Variants in CAST observed in about 807,000 individuals in gnomAD.
CAST encodes the protein calpastatin.
In CAST, 76 loss-of-function variants were observed where a neutral mutation model predicts 119.6. The ratio of observed to expected loss-of-function variants is 0.64; its 90% CI spans 0.53 to 0.77. The LOEUF is 0.77. Ranked by LOEUF, CAST falls within the 30% of genes least tolerant of loss-of-function variation. The pLI, the probability that CAST is intolerant of heterozygous loss-of-function variation, is 0.00. For synonymous variants in CAST, 319 were observed against 331.6 expected, an observed-to-expected ratio of 0.96 and a Z score of 0.41; for missense variants, 953 against 946.5, an observed-to-expected ratio of 1.01 and a Z score of -0.09.
At chr5:96,599,619 T>A (rs1276527751) in intron 1 of CAST, among the ~76,000 whole-genome samples, 1 of 152,082 alleles carries the variant, frequency 6.6e-6, no homozygotes, top group African/African-American at 2.4e-5. Flanking sequence ...GCCAGGTCCC[T>A]CACACTCTGG....
chr5:96,722,175 G>A (rs910901710), intron 3 of CAST, among the ~76,000 whole-genome samples: 2 of 152,178 alleles, frequency 1.3e-5, no homozygotes, highest in African/African-American at 4.8e-5. Flanking sequence ...AATGGACCTG[G>A]AAGACAAAGC....
At chr5:96,088,104 G>A in the CAST span, among the ~76,000 whole-genome samples, 1 of 152,210 alleles carries the variant, frequency 6.6e-6, no homozygotes, top group Non-Finnish European at 1.5e-5. Context: ...AAAATACTCA[G>A]CTCTATACAG....
At chr5:96,280,924 A>C in the CAST span, among the ~76,000 whole-genome samples, 3 of 152,234 alleles carry the variant, frequency 2.0e-5, no homozygotes, top group South Asian at 4.2e-4. Flanking sequence ...ATCTTCCTGA[A>C]TTATTAATTT....
chr5:95,976,095 G>T, the CAST span, among the ~76,000 whole-genome samples: 2 of 151,694 alleles, frequency 1.3e-5, no homozygotes, highest in Non-Finnish European at 2.9e-5. Flanking sequence ...CTCTAATTCA[G>T]GCTGGCACTT....
At chr5:95,987,576 C>T in the CAST span, among the ~76,000 whole-genome samples, 1 of 152,158 alleles carries the variant, frequency 6.6e-6, no homozygotes, top group Admixed American at 6.6e-5. Context: ...TGTGTAAAAG[C>T]ATCAGGCCTT....
the CAST span, among the ~76,000 whole-genome samples, chr5:96,361,035 G>A: frequency 6.6e-6 from 1 of 152,226 alleles, no homozygotes; most frequent in Admixed American, 6.5e-5. Flanking sequence ...CCTGCCCAGA[G>A]AGGAGGAATC....
At chr5:96,550,729 G>A (rs1429763175) in intron 1 of CAST, among the ~76,000 whole-genome samples, 1 of 152,170 alleles carries the variant, frequency 6.6e-6, no homozygotes, top group Non-Finnish European at 1.5e-5. Context: ...TAAATGACCT[G>A]ATGGAGCTGA....
the CAST span, among the ~76,000 whole-genome samples, chr5:96,123,886 T>C: frequency 6.6e-6 from 1 of 152,140 alleles, no homozygotes; most frequent in Admixed American, 6.6e-5. Context: ...GCTTAGATTT[T>C]TTTTCCCCCT....
chr5:96,593,402 G>C (rs1746998444), intron 1 of CAST, among the ~76,000 whole-genome samples: 1 of 152,180 alleles, frequency 6.6e-6, no homozygotes, highest in African/African-American at 2.4e-5. Flanking sequence ...TCATGGGTGT[G>C]TGACCTATGC....
chr5:96,133,235 C>A, the CAST span, among the ~76,000 whole-genome samples: 2 of 151,984 alleles, frequency 1.3e-5, no homozygotes, highest in Non-Finnish European at 2.9e-5. Context: ...GCAAATGTAT[C>A]CACTCTGGCT....
the CAST span, among the ~76,000 whole-genome samples, chr5:96,114,720 G>A: frequency 6.6e-6 from 1 of 152,174 alleles, no homozygotes; most frequent in Admixed American, 6.5e-5. Flanking sequence ...TTCTGCCTGG[G>A]AGAAGCGTAA....
At chr5:96,700,975 G>A (rs955956260) in intron 3 of CAST, among the ~76,000 whole-genome samples, 5 of 151,834 alleles carry the variant, frequency 3.3e-5, no homozygotes, top group Admixed American at 1.3e-4. Context: ...TGCCCAGGCA[G>A]GAGTGCAGTG....
the CAST span, among the ~76,000 whole-genome samples, chr5:96,249,332 C>T: frequency 1.3e-5 from 2 of 152,164 alleles, no homozygotes; most frequent in Admixed American, 6.5e-5. Flanking sequence ...CTGGAATCTG[C>T]TGAGTGCCAA....
At chr5:96,314,470 G>A in the CAST span, among the ~76,000 whole-genome samples, 1 of 152,118 alleles carries the variant, frequency 6.6e-6, no homozygotes, top group African/African-American at 2.4e-5. Context: ...TGAGCAAATG[G>A]GGCTCCAGTG....
Position 96,717,785 on chromosome 5 carries a change from C to A in CAST, c.211-4854C>A, listed in dbSNP as rs528905410. ...AATATGGGGTCATGATGAGAGAGGT[C>A]AAATAATGGAGAATCTAAAAATCAG... On this transcript the variant is annotated intron_variant, in intron 3 of 31. Transcript: ENST00000675179. Among the ~76,000 whole-genome samples the A allele has an allele frequency of 3.3e-5, 5 of 152,194 alleles. 1 individual carries two copies. Among genetic ancestry groups the A allele is most frequent in the African/African-American group, 9.6e-5 (4 of 41,536 alleles).
chr5:96,304,684 G>A, the CAST span, among the ~76,000 whole-genome samples: 365 of 152,158 alleles, frequency 2.4e-3, 1 homozygote, highest in African/African-American at 8.3e-3. Context: ...CCAGTTTTCC[G>A]AAGACCATTC....
chr5:96,558,367 GA>G (rs1224510774), intron 1 of CAST, among the ~76,000 whole-genome samples: 1 of 142,390 alleles, frequency 7.0e-6, no homozygotes, highest in Non-Finnish European at 1.6e-5. Flanking sequence ...GAGCAGAACT[GA>G]AGGAAATAGA....
At chr5:96,164,222 G>A in the CAST span, among the ~76,000 whole-genome samples, 1 of 152,150 alleles carries the variant, frequency 6.6e-6, no homozygotes, top group Non-Finnish European at 1.5e-5. Context: ...TATATACAAG[G>A]TATGTTGTAC....
the CAST span, chr5:96,433,109 CCAGA>C: frequency 2.1e-6 from 3 of 1,442,160 alleles, no homozygotes; most frequent in African/African-American, 4.2e-5. Context: ...AGGAGAAAAG[CCAGA>C]CAGACTCCCC....
Sources: allele counts gnomAD v4.1 joint callset (sites outside exome capture counted in the v4.1 genomes callset), GRCh38; gene constraint gnomAD v4.1.1; transcripts MANE v1.5; gene names NCBI Gene and HGNC (gene_info 2026-07-23, HGNC 2026-07-21).